CDC14B: variants seen among roughly 807,000 people sequenced by gnomAD.
CDC14B encodes dual specificity protein phosphatase CDC14B.
A neutral mutation model predicts 64.2 loss-of-function variants in CDC14B; 22 were observed. That is an observed-to-expected ratio of 0.34 (90% confidence interval 0.24 to 0.49). The LOEUF (loss-of-function observed/expected upper bound fraction) is 0.49, where lower values mean the gene tolerates loss of function less well. Among genes scored for constraint, CDC14B ranks in the 20% least tolerant of loss-of-function variants. The pLI is 0.99. For missense variants in CDC14B, 498 were observed against 629.9 expected, an observed-to-expected ratio of 0.79 and a Z score of 2.24; for synonymous variants, 191 against 215.8, an observed-to-expected ratio of 0.89 and a Z score of 1.01.
chr9:96,564,491 T>C (rs1843647734), intron 3 of CDC14B, among the ~76,000 whole-genome samples: 1 of 152,196 alleles, frequency 6.6e-6, no homozygotes, highest in African/African-American at 2.4e-5. Flanking sequence ...GGTCAGACAA[T>C]ACGAGGTTCA....
intron 1 of CDC14B, chr9:96,566,841 G>C: frequency 6.3e-7 from 1 of 1,597,018 alleles, no homozygotes; most frequent in East Asian, 2.3e-5. Flanking sequence ...TGGAAGGCGG[G>C]GCAGAGGCAA....
At position 96,609,465 on chromosome 9, in the gene CDC14B, T is replaced by A. The variant is rs187258122; in HGVS notation, c.160+9754A>T. On this transcript the variant is annotated intron_variant, in intron 1 of 13. Transcript: ENST00000375241. ...AAGGGGCATGTTATAAATCTTCACA[T>A]CCCTTGCCCCTCCATTCTTTAATAA... Among the ~76,000 whole-genome samples, 830 of 152,308 alleles carry A rather than the reference T, an allele frequency of 5.4e-3. 16 individuals are homozygous for A. Among genetic ancestry groups the A allele is most frequent in the Admixed American group, 0.048 (739 of 15,290 alleles).
intron 13 of CDC14B, among the ~76,000 whole-genome samples, chr9:96,509,019 G>A (rs1834561108): frequency 6.6e-6 from 1 of 152,194 alleles, no homozygotes; most frequent in Non-Finnish European, 1.5e-5. Context: ...CTACTCCTGA[G>A]CCATCTATCC....
chr9:96,601,377 G>C (rs1846441221), intron 1 of CDC14B, among the ~76,000 whole-genome samples: 1 of 151,946 alleles, frequency 6.6e-6, no homozygotes, highest in Non-Finnish European at 1.5e-5. Flanking sequence ...TGCGCCTGTA[G>C]TCCCAGCTAC....
Position 96,551,111 on chromosome 9 carries a change from C to CTTTTTTTT in CDC14B, c.497+677_497+684dup, listed in dbSNP as rs202193145. 2.3e-3 allele frequency among the ~76,000 whole-genome samples: 210 copies of CTTTTTTTT among 93,270 alleles called. 34 individuals are homozygous for CTTTTTTTT. Among genetic ancestry groups the CTTTTTTTT allele is most frequent in the African/African-American group, 9.1e-3 (186 of 20,366 alleles). 61.2% of individuals were successfully genotyped at this position (93,270 alleles called of 152,430 possible). On this transcript the variant is annotated intron_variant, in intron 5 of 13. Transcript: ENST00000375241. ...TACAAAGCCTAGGTTTTGGGGTTTG[C>CTTTTTTTT]TTTTTTTTTTTTTTTTTTTGAGACA...
intron 1 of CDC14B, among the ~76,000 whole-genome samples, chr9:96,614,665 A>G (rs1847516066): frequency 6.6e-6 from 1 of 152,066 alleles, no homozygotes; most frequent in African/African-American, 2.4e-5. Context: ...GGATGGGAAA[A>G]TAGAGATAAA....
intron 1 of CDC14B, among the ~76,000 whole-genome samples, chr9:96,609,989 T>G (rs1407464019): frequency 6.6e-6 from 1 of 152,160 alleles, no homozygotes; most frequent in Non-Finnish European, 1.5e-5. Context: ...TGAAGCATTC[T>G]CTAAGAGAAC....
chr9:96,536,240 G>C (rs897319503), intron 7 of CDC14B, among the ~76,000 whole-genome samples: 1 of 152,170 alleles, frequency 6.6e-6, no homozygotes, highest in African/African-American at 2.4e-5. Flanking sequence ...GAAGACGTTT[G>C]TGGTGTGCCC....
intron 1 of CDC14B, among the ~76,000 whole-genome samples, chr9:96,601,706 T>A (rs1440344457): frequency 1.4e-5 from 2 of 144,222 alleles, no homozygotes; most frequent in African/African-American, 2.6e-5. Flanking sequence ...GGCAGGAGAA[T>A]CACTTGAACC....
chr9:96,499,231 C>A (rs1440454715), downstream of CDC14B, among the ~76,000 whole-genome samples: 1 of 152,148 alleles, frequency 6.6e-6, no homozygotes, highest in Non-Finnish European at 1.5e-5. Context: ...GAAGGCAGGT[C>A]TCTGGTTTTT....
chr9:96,498,762 T>A (rs181619320), downstream of CDC14B, among the ~76,000 whole-genome samples: 190 of 152,342 alleles, frequency 1.2e-3, no homozygotes, highest in African/African-American at 4.2e-3. Context: ...TTATTTTAAC[T>A]CTCATACCAA....
intron 1 of CDC14B, among the ~76,000 whole-genome samples, chr9:96,595,444 A>G (rs1417729977): frequency 6.6e-6 from 1 of 152,226 alleles, no homozygotes; most frequent in Non-Finnish European, 1.5e-5. Flanking sequence ...AGACGCTACA[A>G]GTTACTATAA....
chr9:96,518,142 G>A (rs1325063028), intron 12 of CDC14B, among the ~76,000 whole-genome samples: 1 of 152,202 alleles, frequency 6.6e-6, no homozygotes, highest in African/African-American at 2.4e-5. Flanking sequence ...TGTGTGCAGA[G>A]TACTGCTAAT....
intron 4 of CDC14B, among the ~76,000 whole-genome samples, chr9:96,558,399 T>A (rs1422763905): frequency 1.3e-5 from 2 of 152,200 alleles, no homozygotes; most frequent in Non-Finnish European, 2.9e-5. Context: ...TATAAAACTA[T>A]CACATGTAAC....
chr9:96,541,800 C>T lies in CDC14B; in HGVS notation c.564+26G>A, dbSNP rs769596833. ...CGCATGTTAGTTCCTCAACACAACA[C>T]TGGGTGCATCCTACATGTCACTCAC... On this transcript the variant is annotated intron_variant, in intron 6 of 13. Coordinates refer to ENST00000375241, the MANE Select transcript of CDC14B (RefSeq NM_033331.4). 4.5e-6 allele frequency: 7 copies of T among 1,548,342 alleles called. No homozygotes were observed. In the South Asian group the frequency reaches 8.4e-5, roughly 19 times the overall value.
chr9:96,578,946 T>C (rs986992059), intron 1 of CDC14B, among the ~76,000 whole-genome samples: 3 of 152,164 alleles, frequency 2.0e-5, no homozygotes, highest in Non-Finnish European at 4.4e-5. Flanking sequence ...GCCTCCCAAG[T>C]AGCTGGGATT....
Position 96,516,975 on chromosome 9 carries a change from ATGGGGTTTCTCCATGT to A in CDC14B, c.1343+5515_1343+5530del, listed in dbSNP as rs532497274. 3.2e-3 allele frequency among the ~76,000 whole-genome samples: 478 copies of A among 151,682 alleles called. 3 individuals are homozygous for A. The highest frequency in any genetic ancestry group is 0.011 in the African/African-American group (458 of 41,422). ...AGCTAATTTTGCATTTTTAGTACAG[ATGGGGTTTCTCCATGT>A]TGGTTAGGCTGGTCTTGAACTCCTG... is the stretch of plus-strand genomic sequence containing the variant. On this transcript the variant is annotated intron_variant, in intron 12 of 13. Transcript: ENST00000375241.
rs1480704580 is a variant in CDC14B, at chr9:96,501,653, AATAG to A, written c.*2096_*2099del. The A allele has an allele frequency of 3.9e-5, 6 of 152,614 alleles. No homozygotes were observed. The highest frequency in any genetic ancestry group is 1.4e-4 in the African/African-American group (6 of 41,438). The allele number at this position is 152,614 out of a possible 1,614,324, so 9.5% of individuals were successfully genotyped here. A position where few individuals can be genotyped will look rare whatever the true frequency, so the allele number is the denominator to read the frequency against. ...ATGACTAATTTCAGTGAACCAGTTA[AATAG>A]AAAGATTTTTAGAAAGAGCCACAGT... On this transcript the variant is annotated 3_prime_UTR_variant, in exon 14 of 14. Transcript: ENST00000375241.
chr9:96,525,754 G>C (rs28550899), intron 9 of CDC14B, among the ~76,000 whole-genome samples: 9,546 of 151,992 alleles, frequency 0.063, 949 homozygotes, highest in African/African-American at 0.21. Flanking sequence ...TATGCCTCAG[G>C]ATGGATCATA....
Sources: gnomAD v4.1 joint callset for allele counts (sites outside exome capture counted in the v4.1 genomes callset) on GRCh38, gnomAD v4.1.1 for gene constraint, MANE v1.5 for transcripts, NCBI Gene and HGNC (gene_info 2026-07-23, HGNC 2026-07-21) for gene names.